The following ZNF681 variants were observed in gnomAD, a reference collection of about 807,000 sequenced individuals.
ZNF681 encodes zinc finger protein 681.
A neutral mutation model predicts 56.0 loss-of-function variants in ZNF681; 37 were observed. That is an observed-to-expected ratio of 0.66 (90% CI 0.51 to 0.87). The LOEUF is 0.87. Among genes scored for constraint, ZNF681 ranks in the 40% least tolerant of loss-of-function variants. The pLI is 0.00. For missense variants in ZNF681, 741 were observed against 744.9 expected (o/e 0.99, Z 0.06); for synonymous variants, 225 against 248.6 (o/e 0.91, Z 0.89).
intron 3 of ZNF681, 74 bp downstream of exon 3, chr19:23,754,749 A>G: frequency 8.5e-7 from 1 of 1,179,496 alleles, no homozygotes; most frequent in Non-Finnish European, 1.3e-6. Context: ...TCACATTATA[A>G]GCACTAGCTT....
Position 23,754,829 on chromosome 19 carries a change from G to A in ZNF681, c.220C>T (p.Pro74Ser), listed in dbSNP as rs1191935800. ...CACTTTCACTCTCACCTACCTGGGG[G>A]TTCGGCCACCATCCTATGTCTCTTT... ...TRKRHRMVAE[P>S]PVICSHFAQD... Residue 74 changes from proline to serine, a missense_variant, in exon 3 of 4, where the codon CCC becomes TCC. Physicochemically the swap from Pro to Ser is moderately conservative, Grantham distance 74. Coordinates refer to ENST00000402377, the MANE Select transcript of ZNF681 (RefSeq NM_138286.3). 6.2e-7 allele frequency: 1 copy of A among 1,613,652 alleles called. No homozygotes were observed. The highest frequency in any genetic ancestry group is 8.5e-7 in the Non-Finnish European group (1 of 1,179,816).
At chr19:23,757,184 C>T (rs1024963788) in intron 1 of ZNF681, among the ~76,000 whole-genome samples, 1 of 151,868 alleles carries the variant, frequency 6.6e-6, no homozygotes, top group African/African-American at 2.4e-5. Flanking sequence ...CCTCACCTGG[C>T]TTATAAAAGT....
chr19:23,745,426 A>G, intron 3 of ZNF681, 103 bp from the exon 4 acceptor site: 2 of 918,398 alleles, frequency 2.2e-6, no homozygotes, highest in Non-Finnish European at 3.0e-6. Flanking sequence ...GCAAGATGGT[A>G]TAGCAAAATA....
At position 23,758,850 on chromosome 19, in the gene ZNF681, G is replaced by A. The variant is rs559909594; in HGVS notation, c.-101C>T. ...GGCCTCTAGAAGAAGAGGACACAGAGCAGTGAAGACGAGACCCGGAGCTCG... is the reference window on the plus strand; with the variant it reads ...GGCCTCTAGAAGAAGAGGACACAGAACAGTGAAGACGAGACCCGGAGCTCG... On this transcript the variant is annotated 5_prime_UTR_variant, in exon 1 of 4. Coordinates refer to ENST00000402377, the MANE Select transcript of ZNF681 (RefSeq NM_138286.3). 25 of 1,545,578 alleles carry A rather than the reference G, an allele frequency of 1.6e-5. No homozygotes were observed. The African/African-American group carries it at 2.2e-4, about 14-fold the overall frequency.
chr19:23,756,256 C>T (rs532114227), intron 1 of ZNF681, among the ~76,000 whole-genome samples: 3 of 151,866 alleles, frequency 2.0e-5, no homozygotes, highest in South Asian at 4.2e-4. Context: ...ACCCAGGAGG[C>T]GGAGCTTGCA....
rs187428840 is a variant in ZNF681, at chr19:23,751,909, G to A, written c.226+2914C>T. Among the ~76,000 whole-genome samples the A allele has an allele frequency of 3.1e-3, 475 of 152,168 alleles. 2 individuals carry two copies. The highest frequency in any genetic ancestry group is 3.3e-3 in the Admixed American group (51 of 15,286). Reference sequence around the variant, plus strand: ...CCACCATATTAGCCAGGATGGTCTCGATCTCCTGACCTCGTGATCCGCCCA... The same window carrying A: ...CCACCATATTAGCCAGGATGGTCTCAATCTCCTGACCTCGTGATCCGCCCA... On this transcript the variant is annotated intron_variant, in intron 3 of 3. Coordinates refer to ENST00000402377, the MANE Select transcript of ZNF681 (RefSeq NM_138286.3).
At chr19:23,745,445 C>T (rs2144840874) in intron 3 of ZNF681, 122 bp from the exon 4 acceptor site, 3 of 785,254 alleles carry the variant, frequency 3.8e-6, no homozygotes, top group Non-Finnish European at 3.5e-6. Context: ...TACCAAAGGC[C>T]CTAATTTTTT....
rs781473121 is a variant in ZNF681 at position 23,743,840 on chromosome 19, G to T, written c.1710C>A (p.Ala570=). The T allele has an allele frequency of 6.2e-7, 1 of 1,606,390 alleles. No individual in the cohort carries two copies. Among genetic ancestry groups the T allele is most frequent in the Non-Finnish European group, 8.5e-7 (1 of 1,176,952 alleles). ...TAGTAAGGTGTGAGGACTGGTTAAA[G>T]GCTTTACCACATTCTTCACATTGGT... ...KPYQCEECGK[A]FNQSSHLTRH... is the part of the protein sequence containing the mutation. The change falls in exon 4 of 4, where the codon GCC becomes GCA. Residue 570 remains alanine, a synonymous_variant. Transcript: ENST00000402377.
intron 3 of ZNF681, 89 bp downstream of exon 3, chr19:23,754,734 C>T: frequency 9.3e-7 from 1 of 1,079,922 alleles, no homozygotes; most frequent in South Asian, 1.4e-5. Flanking sequence ...ATACAGCTTC[C>T]CAAATCACAT....
In ZNF681 at chr19:23,745,098, A is replaced by G. The variant is rs189918325; in HGVS notation, c.452T>C (p.Phe151Ser). ...IFQCDKYMKI[F>S]HKFSNLNGHK... ...TCCATTTAAATTTGAAAATTTATGA[A>G]AGATTTTCATATATTTATCACATTG... The change falls in exon 4 of 4, where the codon TTT (phenylalanine) becomes TCT (serine). Residue 151 changes from phenylalanine (F) to serine (S), a missense_variant. Physicochemically the swap from Phe to Ser is radical, Grantham distance 155 (BLOSUM62 -2). Coordinates refer to ENST00000402377, the MANE Select transcript of ZNF681 (RefSeq NM_138286.3). 3 of 1,605,400 alleles carry G rather than the reference A, an allele frequency of 1.9e-6. No homozygotes were observed. In the East Asian group the frequency reaches 6.7e-5, roughly 36 times the overall value.
intron 1 of ZNF681, among the ~76,000 whole-genome samples, chr19:23,755,897 G>A (rs1274798657): frequency 6.6e-6 from 1 of 152,086 alleles, no homozygotes; most frequent in African/African-American, 2.4e-5. Flanking sequence ...CACTGTTGGT[G>A]GGAATGTAAA....
At chr19:23,745,736 C>T (rs1968936245) in intron 3 of ZNF681, among the ~76,000 whole-genome samples, 1 of 151,308 alleles carries the variant, frequency 6.6e-6, no homozygotes, top group Non-Finnish European at 1.5e-5. Context: ...CAGGCATGAG[C>T]CACCGTGCTC....
intron 3 of ZNF681, among the ~76,000 whole-genome samples, chr19:23,746,178 G>A (rs1968942019): frequency 6.6e-6 from 1 of 152,084 alleles, no homozygotes; most frequent in African/African-American, 2.4e-5. Context: ...GCCAGGCATG[G>A]TGGTGCATGC....
chr19:23,754,821 A>G lies in ZNF681; in HGVS notation c.226+2T>C, dbSNP rs1233466576. 2.5e-6 allele frequency: 4 copies of G among 1,613,214 alleles called. No individual in the cohort carries two copies. Among genetic ancestry groups the G allele is most frequent in the Admixed American group, 3.3e-5 (2 of 59,962 alleles). Reference sequence around the variant, plus strand: ...GTTGTATTCACTTTCACTCTCACCTACCTGGGGGTTCGGCCACCATCCTAT... The same window carrying G: ...GTTGTATTCACTTTCACTCTCACCTGCCTGGGGGTTCGGCCACCATCCTAT... On this transcript the variant is annotated splice_donor_variant, in intron 3 of 3. Transcript: ENST00000402377. LOFTEE classifies it high-confidence loss of function.
Position 23,744,050 on chromosome 19 carries a change from A to C in ZNF681, c.1500T>G (p.His500Gln), listed in dbSNP as rs375345647. The C allele has an allele frequency of 4.3e-6, 7 of 1,613,258 alleles. No individual in the cohort carries two copies. The highest frequency in any genetic ancestry group is 1.7e-5 in the Admixed American group (1 of 60,000). Residue 500 changes from histidine to glutamine, a missense_variant, in exon 4 of 4, where the codon CAT becomes CAG. Physicochemically the swap from His to Gln is conservative, Grantham distance 24. Transcript: ENST00000402377. ...CACATTTGTAGGATTTCTCTCCAGT[A>C]TGAATTCTCTTATGTGTAGTAAGGA... ...SSILTTHKRIHTGEKSYKCEE... is the reference protein window; with the variant it reads ...SSILTTHKRIQTGEKSYKCEE...
Position 23,743,784 on chromosome 19 carries a change from G to A in ZNF681, c.1766C>T (p.Pro589Leu). The A allele has an allele frequency of 1.2e-6, 2 of 1,613,380 alleles. No individual in the cohort carries two copies. Among genetic ancestry groups the A allele is most frequent in the Non-Finnish European group, 1.7e-6 (2 of 1,179,720 alleles). Residue 589 changes from proline (P) to leucine (L), a missense_variant, in exon 4 of 4, where the codon CCC (proline) becomes CTC (leucine). Physicochemically the swap from Pro to Leu is moderately conservative, Grantham distance 98. Coordinates refer to ENST00000402377, the MANE Select transcript of ZNF681 (RefSeq NM_138286.3). Reference protein sequence around the residue: ...RHKRIHTGEKPYQCEKCGKAF... With the variant: ...RHKRIHTGEKLYQCEKCGKAF... ...TTTGCCACATTTTTCACATTGGTAG[G>A]GTTTCTCTCCAGTATGAATTCTCTT...
At position 23,744,712 on chromosome 19, in the gene ZNF681, T is replaced by G; in HGVS notation, c.838A>C (p.Asn280His). The G allele has an allele frequency of 2.5e-6, 4 of 1,614,086 alleles. No homozygotes were observed. Among genetic ancestry groups the G allele is most frequent in the Non-Finnish European group, 3.4e-6 (4 of 1,179,992 alleles). Residue 280 changes from asparagine (N) to histidine (H), a missense_variant, in exon 4 of 4, where the codon AAT (asparagine) becomes CAT (histidine). Transcript: ENST00000402377. ...TTHTIIHTGE[N>H]PYKREECDKA... ...TCACATTCTTCACGTTTGTAGGGAT[T>G]CTCTCCAGTATGAATTATTGTATGT...
At chr19:23,756,175 A>G (rs143984119) in intron 1 of ZNF681, among the ~76,000 whole-genome samples, 2,234 of 152,110 alleles carry the variant, frequency 0.015, 28 homozygotes, top group Middle Eastern at 0.044. Context: ...AATACAAAAA[A>G]TTAGCCGGGC....
Position 23,758,744 on chromosome 19 carries a change from C to A in ZNF681, c.3+3G>T. 1 of 1,614,232 alleles carries A rather than the reference C, an allele frequency of 6.2e-7. No homozygotes were observed. On this transcript the variant is annotated splice_donor_region_variant and intron_variant, in intron 1 of 3. Coordinates refer to ENST00000402377, the MANE Select transcript of ZNF681 (RefSeq NM_138286.3). ...CTCGGGATGTCGGACCCGACATTCTCACCATTTCTAGGTTTCCGGGGGACC... is the reference window on the plus strand; with the variant it reads ...CTCGGGATGTCGGACCCGACATTCTAACCATTTCTAGGTTTCCGGGGGACC...
Sources: gnomAD v4.1 joint callset for allele counts (sites outside exome capture counted in the v4.1 genomes callset) on GRCh38, gnomAD v4.1.1 for gene constraint, MANE v1.5 for transcripts, NCBI Gene and HGNC (gene_info 2026-07-23, HGNC 2026-07-21) for gene names.